Variants in ITGBL1 observed in about 807,000 individuals in gnomAD.
ITGBL1 encodes integrin beta-like protein 1.
ITGBL1 carries 51 observed loss-of-function variants against 68.5 expected under a neutral mutation model. The ratio of observed to expected loss-of-function variants is 0.74; its 90% CI spans 0.59 to 0.94. ITGBL1 has a LOEUF of 0.94. Among genes scored for constraint, ITGBL1 ranks in the 40% least tolerant of loss-of-function variants. The pLI is 0.00. For missense variants in ITGBL1, 649 were observed against 647.4 expected, an observed-to-expected ratio of 1.00 and a Z score of -0.03; for synonymous variants, 209 against 227.3, an observed-to-expected ratio of 0.92 and a Z score of 0.72.
chr13:101,489,958 T>C (rs1330926942), intron 2 of ITGBL1: 3 of 1,509,278 alleles, frequency 2.0e-6, no homozygotes, highest in Middle Eastern at 1.7e-4. Flanking sequence ...CTTTAAACTT[T>C]GTCTCATGAA....
At chr13:101,598,409 G>T (rs74452345) in intron 7 of ITGBL1, 110 bp downstream of exon 7, 65,570 of 897,998 alleles carry the variant, frequency 0.073, 2,769 homozygotes, top group Non-Finnish European at 0.083. Context: ...TCTGCTTTTT[G>T]GTTTTTTTGT....
chr13:101,600,035 C>T (rs1386638734), intron 7 of ITGBL1, among the ~76,000 whole-genome samples: 1 of 152,178 alleles, frequency 6.6e-6, no homozygotes, highest in Non-Finnish European at 1.5e-5. Flanking sequence ...GGCAGTATGG[C>T]CATTTTCACG....
At chr13:101,459,980 C>T (rs1394219901) in intron 2 of ITGBL1, among the ~76,000 whole-genome samples, 1 of 152,046 alleles carries the variant, frequency 6.6e-6, no homozygotes, top group East Asian at 1.9e-4. Flanking sequence ...CTTGAGGCTG[C>T]CTGAGGACTG....
At chr13:101,617,544 A>G (rs2031415319) in intron 7 of ITGBL1, among the ~76,000 whole-genome samples, 1 of 152,220 alleles carries the variant, frequency 6.6e-6, no homozygotes, top group Admixed American at 6.5e-5. Flanking sequence ...AAACAAGAAG[A>G]GAAATAATTT....
chr13:101,675,140 GT>G (rs2139513158), intron 7 of ITGBL1, among the ~76,000 whole-genome samples: 1 of 152,088 alleles, frequency 6.6e-6, no homozygotes, highest in South Asian at 2.1e-4. Context: ...TTGGCCATTT[GT>G]TTTGGTAATT....
At chr13:101,515,295 G>A (rs2049177892) in intron 2 of ITGBL1, among the ~76,000 whole-genome samples, 1 of 151,680 alleles carries the variant, frequency 6.6e-6, no homozygotes, top group Non-Finnish European at 1.5e-5. Context: ...TTTATCACAA[G>A]CTAGCTATAT....
intron 2 of ITGBL1, 56 bp from the exon 3 acceptor site, chr13:101,567,643 T>C: frequency 6.5e-7 from 1 of 1,540,350 alleles, no homozygotes; most frequent in East Asian, 2.3e-5. Flanking sequence ...TGTGTTACAG[T>C]AGTGGTTATC....
At chr13:101,680,994 C>A (rs895879996) in intron 7 of ITGBL1, among the ~76,000 whole-genome samples, 1 of 152,086 alleles carries the variant, frequency 6.6e-6, no homozygotes, top group Non-Finnish European at 1.5e-5. Flanking sequence ...CCTGTGTGCA[C>A]GTGCATTTTA....
intron 7 of ITGBL1, among the ~76,000 whole-genome samples, chr13:101,629,827 T>C (rs1435827913): frequency 6.6e-6 from 1 of 152,142 alleles, no homozygotes; most frequent in Non-Finnish European, 1.5e-5. Flanking sequence ...TATTTATTTA[T>C]TCATTTATTT....
intron 2 of ITGBL1, among the ~76,000 whole-genome samples, chr13:101,541,257 G>T (rs113460929): frequency 6.6e-6 from 1 of 151,250 alleles, no homozygotes; most frequent in Admixed American, 6.6e-5. Context: ...AGAGTTTTTA[G>T]CATGAAGGGT....
intron 2 of ITGBL1, among the ~76,000 whole-genome samples, chr13:101,469,962 G>A (rs1374891041): frequency 1.3e-5 from 2 of 152,168 alleles, no homozygotes; most frequent in Non-Finnish European, 1.5e-5. Context: ...CACAAATCAC[G>A]TAACTTCTCT....
chr13:101,517,162 A>G (rs1384156895), intron 2 of ITGBL1, among the ~76,000 whole-genome samples: 2 of 152,052 alleles, frequency 1.3e-5, no homozygotes, highest in East Asian at 3.9e-4. Context: ...GCTATATTTT[A>G]TATTTGCATT....
intron 2 of ITGBL1, among the ~76,000 whole-genome samples, chr13:101,548,628 G>A (rs2049867378): frequency 6.6e-6 from 1 of 151,784 alleles, no homozygotes; most frequent in Non-Finnish European, 1.5e-5. Context: ...TTTATACATA[G>A]AAGGGAAAAT....
intron 6 of ITGBL1, among the ~76,000 whole-genome samples, chr13:101,593,449 A>G (rs998273630): frequency 2.0e-5 from 3 of 152,084 alleles, no homozygotes; most frequent in African/African-American, 7.2e-5. Flanking sequence ...AGTGAAATCA[A>G]TATGTCAAAG....
chr13:101,640,042 A>C (rs2032310253), intron 7 of ITGBL1, among the ~76,000 whole-genome samples: 1 of 152,174 alleles, frequency 6.6e-6, no homozygotes, highest in Admixed American at 6.6e-5. Context: ...ACAACTTATA[A>C]TCTTCCCTGC....
At chr13:101,513,511 G>T (rs1342019533) in intron 2 of ITGBL1, among the ~76,000 whole-genome samples, 1 of 151,924 alleles carries the variant, frequency 6.6e-6, no homozygotes, top group Non-Finnish European at 1.5e-5. Flanking sequence ...GATGATCATT[G>T]GAAGACAAAA....
intron 7 of ITGBL1, among the ~76,000 whole-genome samples, chr13:101,671,105 C>T (rs549363484): frequency 6.6e-6 from 1 of 152,220 alleles, no homozygotes; most frequent in East Asian, 1.9e-4. Context: ...CTTCTCTAAA[C>T]ACATGTGCAT....
intron 7 of ITGBL1, among the ~76,000 whole-genome samples, chr13:101,627,366 G>A (rs1184961251): frequency 2.6e-5 from 4 of 151,908 alleles, no homozygotes; most frequent in Non-Finnish European, 5.9e-5. Flanking sequence ...TATACTCCCT[G>A]CCCTCACCCA....
intron 9 of ITGBL1, chr13:101,712,149 C>G (rs1395866325): frequency 6.6e-6 from 1 of 152,184 alleles, no homozygotes; most frequent in Non-Finnish European, 1.5e-5. Context: ...TATGTGCTAT[C>G]TAGTTCTAGT....
Sources: gnomAD v4.1 joint callset for allele counts (sites outside exome capture counted in the v4.1 genomes callset) on GRCh38, gnomAD v4.1.1 for gene constraint, MANE v1.5 for transcripts, NCBI Gene and HGNC (gene_info 2026-07-23, HGNC 2026-07-21) for gene names.